ANAPC2: variants seen among roughly 807,000 people sequenced by gnomAD.
ANAPC2 encodes the protein anaphase-promoting complex subunit 2.
A neutral mutation model predicts 84.3 loss-of-function variants in ANAPC2; 29 were observed. The observed-to-expected ratio is 0.34, with a 90% CI of 0.26 to 0.47. ANAPC2 has a LOEUF of 0.47. Ranked by LOEUF, ANAPC2 falls within the 20% of genes least tolerant of loss-of-function variation. The pLI is 1.00. For synonymous variants in ANAPC2, 571 were observed against 479.4 expected, an observed-to-expected ratio of 1.19 and a Z score of -2.50; for missense variants, 857 against 1,131.7, an observed-to-expected ratio of 0.76 and a Z score of 3.48.
intron 12 of ANAPC2, 35 bp downstream of exon 12, chr9:137,175,202 C>T (rs746543842): frequency 2.0e-5 from 32 of 1,605,384 alleles, no homozygotes; most frequent in African/African-American, 5.4e-5. Flanking sequence ...GCCTCGCCCC[C>T]GCCCCCTGGC....
intron 6 of ANAPC2, 113 bp from the exon 7 acceptor site, chr9:137,181,975 A>C: frequency 8.5e-7 from 1 of 1,182,288 alleles, no homozygotes; most frequent in Non-Finnish European, 1.2e-6. Context: ...CTGCCTCTAC[A>C]CTCAGTGGTG....
At position 137,187,923 on chromosome 9, in the gene ANAPC2, T is replaced by A; in HGVS notation, c.298A>T (p.Asn100Tyr). 6.2e-7 allele frequency: 1 copy of A among 1,613,826 alleles called. No homozygotes were observed. The highest frequency in any genetic ancestry group is 1.1e-5 in the South Asian group (1 of 91,086). Residue 100 changes from asparagine (N) to tyrosine (Y), a missense_variant, in exon 2 of 13, where the codon AAC (asparagine) becomes TAC (tyrosine). By Grantham distance (143) the Asn-to-Tyr change is moderately radical. Around this residue, in one of 3 missense-constraint regions of ANAPC2, gnomAD observed 428 missense variants for 513.8 expected, o/e 0.83. Coordinates refer to ENST00000323927, the MANE Select transcript of ANAPC2 (RefSeq NM_013366.4). ...AGGCACTGGGGCTCATCCGCAGAGTTCTCGCATTGGGAGATGGCATTCCAG... is the reference window on the plus strand; with the variant it reads ...AGGCACTGGGGCTCATCCGCAGAGTACTCGCATTGGGAGATGGCATTCCAG... ...EFWNAISQCENSADEPQCLLL... is the reference protein window; with the variant it reads ...EFWNAISQCEYSADEPQCLLL...
At chr9:137,187,097 G>A (rs1354584630) in intron 2 of ANAPC2, 1 of 219,368 alleles carries the variant, frequency 4.6e-6, no homozygotes, top group African/African-American at 2.3e-5. Context: ...CTGGAGAGAA[G>A]CAGCAGCAAG....
rs200327224 is a variant in ANAPC2, at chr9:137,188,454, C to T, written c.79G>A (p.Val27Met). 5 of 1,610,092 alleles carry T rather than the reference C, an allele frequency of 3.1e-6. No individual in the cohort carries two copies. Among genetic ancestry groups the T allele is most frequent in the Middle Eastern group, 1.7e-4 (1 of 6,024 alleles). Residue 27 changes from valine to methionine, a missense_variant, in exon 1 of 13, where the codon GTG (valine) becomes ATG (methionine). Physicochemically the swap from Val to Met is conservative, Grantham distance 21 (BLOSUM62 1). Coordinates refer to ENST00000323927, the MANE Select transcript of ANAPC2 (RefSeq NM_013366.4). Reference sequence around the variant, plus strand: ...GCCGGCGGCACCAGGCCGGTGCTCACGGTGTTCCAGGCCACTAACAACTCC... The same window carrying T: ...GCCGGCGGCACCAGGCCGGTGCTCATGGTGTTCCAGGCCACTAACAACTCC... Reference protein sequence around the residue: ...GQELLVAWNTVSTGLVPPAAL... With the variant: ...GQELLVAWNTMSTGLVPPAAL...
rs1173949341 is a variant in ANAPC2 at position 137,183,089 on chromosome 9, G to C, written c.1286+36C>G. On this transcript the variant is annotated intron_variant, in intron 6 of 12. Transcript: ENST00000323927. ...ACGAGGAGCTCAGCAGGATGCCCAG[G>C]GTCCCAGTGGCTCCTGGGCCAGCTG... The C allele has an allele frequency of 2.6e-6, 4 of 1,545,708 alleles. No individual in the cohort carries two copies. The Admixed American group carries it at 5.0e-5, about 20-fold the overall frequency.
chr9:137,177,498 G>A (rs1834248892), intron 10 of ANAPC2, among the ~76,000 whole-genome samples: 1 of 152,202 alleles, frequency 6.6e-6, no homozygotes, highest in South Asian at 2.1e-4. Context: ...GCACACTCCA[G>A]CCTCACCTGG....
chr9:137,183,092 C>A, intron 6 of ANAPC2, 33 bp downstream of exon 6: 1 of 1,560,396 alleles, frequency 6.4e-7, no homozygotes, highest in South Asian at 1.1e-5. Flanking sequence ...TGCCCAGGGT[C>A]CCAGTGGCTC....
chr9:137,180,947 G>A lies in ANAPC2; in HGVS notation c.1469-18C>T, dbSNP rs369770943. 1 of 1,611,008 alleles carries A rather than the reference G, an allele frequency of 6.2e-7. No homozygotes were observed. The highest frequency in any genetic ancestry group is 8.5e-7 in the Non-Finnish European group (1 of 1,178,848). On this transcript the variant is annotated intron_variant, in intron 7 of 12. Coordinates refer to ENST00000323927, the MANE Select transcript of ANAPC2 (RefSeq NM_013366.4). Reference sequence around the variant, plus strand: ...CGACTTCCCTGGCATGGTGGGGGCAGGGGTGTCACCTGACAGGCACCTGGG... The same window carrying A: ...CGACTTCCCTGGCATGGTGGGGGCAAGGGTGTCACCTGACAGGCACCTGGG...
intron 6 of ANAPC2, 68 bp downstream of exon 6, chr9:137,183,057 C>T: frequency 1.5e-6 from 2 of 1,354,548 alleles, no homozygotes; most frequent in South Asian, 1.2e-5. Flanking sequence ...GGCTGCCCCC[C>T]AGGACCACGA....
At chr9:137,186,946 G>A (rs185701173) in intron 2 of ANAPC2, 9 of 167,232 alleles carry the variant, frequency 5.4e-5, no homozygotes, top group Admixed American at 3.9e-4. Context: ...CTACACCCCC[G>A]TTCAATGTGA....
In ANAPC2 at chr9:137,183,152, G is replaced by A; in HGVS notation, c.1259C>T (p.Ala420Val). The change falls in exon 6 of 13, where the codon GCC becomes GTC. Residue 420 changes from alanine to valine, a missense_variant. Ala to Val is a moderately conservative substitution (Grantham distance 64). Coordinates refer to ENST00000323927, the MANE Select transcript of ANAPC2 (RefSeq NM_013366.4). ...LDPSMVILEVACEPIRRYLRT... is the reference protein window; with the variant it reads ...LDPSMVILEVVCEPIRRYLRT... ...CAGGTAGCGGCGGATAGGCTCACAG[G>A]CCACCTCCAGGATGACCATGGAAGG... 1 of 1,613,012 alleles carries A rather than the reference G, an allele frequency of 6.2e-7. No homozygotes were observed. Among genetic ancestry groups the A allele is most frequent in the Non-Finnish European group, 8.5e-7 (1 of 1,179,864 alleles).
Position 137,186,349 on chromosome 9 carries a change from G to C in ANAPC2, c.748C>G (p.Leu250Val). 6.2e-7 allele frequency: 1 copy of C among 1,604,514 alleles called. No homozygotes were observed. Among genetic ancestry groups the C allele is most frequent in the Non-Finnish European group, 8.5e-7 (1 of 1,176,902 alleles). The change falls in exon 3 of 13, where the codon CTC becomes GTC. Residue 250 changes from leucine to valine, a missense_variant. This residue lies in a region of ANAPC2 where 428 missense variants were observed against 513.8 expected (regional missense o/e 0.83). Transcript: ENST00000323927. ...FHQLSQVLHR[L>V]SLLERVSAEA... ...GCACTGACCCGCTCCAGCAGACTGA[G>C]CCTGTGTCTAGAGGAGAGCCCTGGC... is the stretch of plus-strand genomic sequence containing the variant.
Position 137,187,776 on chromosome 9 carries a change from G to C in ANAPC2, c.445C>G (p.Leu149Val), listed in dbSNP as rs766097872. Residue 149 changes from leucine to valine, a missense_variant, in exon 2 of 13, where the codon CTG (leucine) becomes GTG (valine). Transcript: ENST00000323927. Reference protein sequence around the residue: ...GLLMGTGAQGLREEVHTMLRG... With the variant: ...GLLMGTGAQGVREEVHTMLRG... ...AACATAGTGTGGACTTCTTCTCGCA[G>C]CCCCTGAGCACCAGTGCCCATCAGC... 3 of 1,613,704 alleles carry C rather than the reference G, an allele frequency of 1.9e-6. No homozygotes were observed. The highest frequency in any genetic ancestry group is 2.5e-6 in the Non-Finnish European group (3 of 1,180,040).
chr9:137,187,622 T>C lies in ANAPC2; in HGVS notation c.599A>G (p.Glu200Gly). ...GGCATACCGGCTGTCCAGCTCCCCT[T>C]CCAGTTCCGGGTCTGTGCCCCCTTC... ...KGEGGTDPEL[E>G]GELDSRYARR... The change falls in exon 2 of 13, where the codon GAA (glutamate) becomes GGA (glycine). Residue 200 changes from glutamate (E) to glycine (G), a missense_variant. Physicochemically the swap from Glu to Gly is moderately conservative, Grantham distance 98 (BLOSUM62 -2). Coordinates refer to ENST00000323927, the MANE Select transcript of ANAPC2 (RefSeq NM_013366.4). 1 of 1,614,066 alleles carries C rather than the reference T, an allele frequency of 6.2e-7. No individual in the cohort carries two copies. The highest frequency in any genetic ancestry group is 8.5e-7 in the Non-Finnish European group (1 of 1,180,030).
At chr9:137,187,439 C>T (rs369833024) in intron 2 of ANAPC2, 42 bp downstream of exon 2, 36 of 1,564,962 alleles carry the variant, frequency 2.3e-5, no homozygotes, top group Non-Finnish European at 2.9e-5. Context: ...CAGCGGGGAA[C>T]CAGAAGGAGC....
At chr9:137,180,629 T>C in intron 8 of ANAPC2, 102 bp from the exon 9 acceptor site, 1 of 1,574,116 alleles carries the variant, frequency 6.4e-7, no homozygotes, top group Non-Finnish European at 8.7e-7. Flanking sequence ...GCAGGGAGCC[T>C]GTGTGGGCAC....
At position 137,180,443 on chromosome 9, in the gene ANAPC2, G is replaced by C. The variant is rs748986518; in HGVS notation, c.1686+9C>G. The C allele has an allele frequency of 6.2e-7, 1 of 1,612,844 alleles. No homozygotes were observed. The highest frequency in any genetic ancestry group is 8.5e-7 in the Non-Finnish European group (1 of 1,179,908). ...GGGCGGCCGGGCAGCGGGCGGGGCT[G>C]GGACCCACCTTCAGCATGACTTCAC... On this transcript the variant is annotated intron_variant, in intron 9 of 12. Coordinates refer to ENST00000323927, the MANE Select transcript of ANAPC2 (RefSeq NM_013366.4).
At chr9:137,181,260 G>A (rs1293368870) in intron 7 of ANAPC2, among the ~76,000 whole-genome samples, 3 of 152,238 alleles carry the variant, frequency 2.0e-5, no homozygotes, top group Non-Finnish European at 4.4e-5. Context: ...GCCAGGCCTG[G>A]GCCCCATAGC....
intron 8 of ANAPC2, 127 bp from the exon 9 acceptor site, chr9:137,180,654 C>T (rs1317713510): frequency 2.5e-5 from 39 of 1,562,542 alleles, no homozygotes; most frequent in Non-Finnish European, 3.3e-5. Context: ...ATGGCTAGCA[C>T]ACCCCCAGCC....
Sources: allele counts gnomAD v4.1 joint callset (sites outside exome capture counted in the v4.1 genomes callset), GRCh38; gene constraint gnomAD v4.1.1; regional missense constraint gnomAD v4.1.1; transcripts MANE v1.5; gene names NCBI Gene and HGNC (gene_info 2026-07-23, HGNC 2026-07-21).